ARHGAP44: variants seen among roughly 807,000 people sequenced by gnomAD.
ARHGAP44 encodes Rho GTPase activating protein 44.
A neutral mutation model predicts 106.8 loss-of-function variants in ARHGAP44; 43 were observed. The observed-to-expected ratio is 0.40, with a 90% CI of 0.32 to 0.52. The LOEUF (loss-of-function observed/expected upper bound fraction) is 0.52. Ranked by LOEUF, ARHGAP44 falls within the 20% of genes least tolerant of loss-of-function variation. The probability of loss-of-function intolerance (pLI) is 0.48; values close to 1 mark genes in which losing one functional copy is unlikely to be tolerated. For synonymous variants in ARHGAP44, 439 were observed against 410.3 expected (o/e 1.07, Z -0.85); for missense variants, 866 against 1,050.5 (o/e 0.82, Z 2.43).
intron 5 of ARHGAP44, among the ~76,000 whole-genome samples, chr17:12,918,379 G>T (rs180768853): frequency 6.6e-6 from 1 of 152,106 alleles, no homozygotes; most frequent in Non-Finnish European, 1.5e-5. Context: ...TATAAAAACC[G>T]CAGCCCGAGA....
At chr17:12,961,353 A>C (rs897066877) in intron 16 of ARHGAP44, among the ~76,000 whole-genome samples, 1 of 152,222 alleles carries the variant, frequency 6.6e-6, no homozygotes, top group Non-Finnish European at 1.5e-5. Context: ...TTGAAGTTGA[A>C]ACTGCCACCA....
intron 3 of ARHGAP44, 43 bp from the exon 4 acceptor site, chr17:12,908,854 A>G (rs1325211810): frequency 6.6e-7 from 1 of 1,518,460 alleles, no homozygotes; most frequent in Admixed American, 1.8e-5. Flanking sequence ...CAACAGATGA[A>G]TATGGAAAGT....
At chr17:12,916,722 T>C (rs2037928169) in intron 5 of ARHGAP44, among the ~76,000 whole-genome samples, 1 of 152,196 alleles carries the variant, frequency 6.6e-6, no homozygotes, top group Admixed American at 6.5e-5. Flanking sequence ...TCTTTGGACT[T>C]TAAAGGACAC....
Position 12,857,772 on chromosome 17 carries a change from A to G in ARHGAP44, c.54-37168A>G, listed in dbSNP as rs969514294. ...ATTGCTTCGGTTGCCCATGTTATTT[A>G]TTTATTTATTTATTTATTTATTTAT... On this transcript the variant is annotated intron_variant, in intron 1 of 20. Transcript: ENST00000379672. Among the ~76,000 whole-genome samples, 222 of 37,696 alleles carry G rather than the reference A, an allele frequency of 5.9e-3. 1 individual carries two copies. Among genetic ancestry groups the G allele is most frequent in the African/African-American group, 0.017 (212 of 12,382 alleles). The allele number at this position is 37,696 out of a possible 152,430, so 24.7% of individuals were successfully genotyped here.
rs149641880 is a variant in ARHGAP44, at chr17:12,947,272, C to T, written c.862-1868C>T. ...CCAAATTGCCAAATCCGATGACTTA[C>T]TGCCAGCCTCCTTGGCCACAGTGCT... On this transcript the variant is annotated intron_variant, in intron 10 of 20. Transcript: ENST00000379672. Among the ~76,000 whole-genome samples, 258 of 152,328 alleles carry T rather than the reference C, an allele frequency of 1.7e-3. 2 individuals carry two copies. The highest frequency in any genetic ancestry group is 6.8e-3 in the Middle Eastern group (2 of 294).
At chr17:12,986,172 G>A (rs1339220254) in intron 20 of ARHGAP44, 2 of 151,830 alleles carry the variant, frequency 1.3e-5, no homozygotes, top group Non-Finnish European at 2.9e-5. Context: ...TAATGTTGAA[G>A]GTACAGCTGC....
chr17:12,989,854 G>C (rs2143501476), intron 20 of ARHGAP44, among the ~76,000 whole-genome samples, 178 bp from the exon 21 acceptor site: 1 of 152,270 alleles, frequency 6.6e-6, no homozygotes, highest in Middle Eastern at 3.4e-3. Flanking sequence ...TAGAAGCAAA[G>C]CAGGCATGAG....
Position 12,949,277 on chromosome 17 carries a change from T to C in ARHGAP44, c.973+26T>C. On this transcript the variant is annotated intron_variant, in intron 11 of 20. Coordinates refer to ENST00000379672, the MANE Select transcript of ARHGAP44 (RefSeq NM_014859.6). The surrounding 1 kb of genome is among the most constrained non-coding windows in gnomAD (Gnocchi z 4.1). ...GTGGGCACCTCTCAGCGCTCCTGTG[T>C]GCCATGGAGGCTCACAGGGAAGGGG... The C allele has an allele frequency of 6.5e-7, 1 of 1,542,980 alleles. No homozygotes were observed. The highest frequency in any genetic ancestry group is 1.4e-5 in the African/African-American group (1 of 73,010).
chr17:12,790,212 G>T (rs750969326), intron 1 of ARHGAP44: 6 of 348,542 alleles, frequency 1.7e-5, no homozygotes, highest in Non-Finnish European at 2.6e-5. Flanking sequence ...CCCTCTGGCC[G>T]CCTGTCTTCC....
chr17:12,980,111 G>A lies in ARHGAP44; in HGVS notation c.1817G>A (p.Gly606Asp). ...SPGSAQKGSP[G>D]SSQGTACAGT... ...GGCTCTGCACAGAAAGGAAGTCCAGGCTCCAGCCAGGGCACAGCCTGTGCA... is the reference window on the plus strand; with the variant it reads ...GGCTCTGCACAGAAAGGAAGTCCAGACTCCAGCCAGGGCACAGCCTGTGCA... The change falls in exon 19 of 21, where the codon GGC becomes GAC. Residue 606 changes from glycine (G) to aspartate (D), a missense_variant. Physicochemically the swap from Gly to Asp is moderately conservative, Grantham distance 94. Coordinates refer to ENST00000379672, the MANE Select transcript of ARHGAP44 (RefSeq NM_014859.6). 6.2e-7 allele frequency: 1 copy of A among 1,613,844 alleles called. No homozygotes were observed. Among genetic ancestry groups the A allele is most frequent in the Non-Finnish European group, 8.5e-7 (1 of 1,179,770 alleles).
At chr17:12,944,656 T>TC (rs2038803093) in intron 10 of ARHGAP44, among the ~76,000 whole-genome samples, 1 of 150,484 alleles carries the variant, frequency 6.6e-6, no homozygotes, top group Admixed American at 6.6e-5. Flanking sequence ...CAGCTAATTT[T>TC]TTTTTTTTTT....
At chr17:12,931,555 G>T (rs1171644181) in intron 7 of ARHGAP44, among the ~76,000 whole-genome samples, 1 of 151,560 alleles carries the variant, frequency 6.6e-6, no homozygotes, top group Non-Finnish European at 1.5e-5. Flanking sequence ...GGAGTGCAGT[G>T]GCGGGATCTC....
chr17:12,987,723 G>C (rs1012829591), intron 20 of ARHGAP44: 3 of 152,204 alleles, frequency 2.0e-5, no homozygotes, highest in African/African-American at 4.8e-5. Context: ...TGAGACTGCT[G>C]GCAAATCCTA....
chr17:12,799,755 G>C (rs780444432), intron 1 of ARHGAP44, among the ~76,000 whole-genome samples: 1 of 152,038 alleles, frequency 6.6e-6, no homozygotes, highest in Non-Finnish European at 1.5e-5. Context: ...TCAGCCTCCT[G>C]AGTAGCTGAG....
chr17:12,796,259 A>G (rs2033917544), intron 1 of ARHGAP44, among the ~76,000 whole-genome samples: 1 of 152,042 alleles, frequency 6.6e-6, no homozygotes, highest in Non-Finnish European at 1.5e-5. Context: ...ATCCCATGTC[A>G]ATAACTGTTA....
At chr17:12,962,139 A>G (rs2039278855) in intron 16 of ARHGAP44, among the ~76,000 whole-genome samples, 1 of 152,094 alleles carries the variant, frequency 6.6e-6, no homozygotes, top group Admixed American at 6.5e-5. Context: ...AAAGAAGAAA[A>G]TTGAGGGGCA....
chr17:12,868,498 G>C (rs2036298113), intron 1 of ARHGAP44, among the ~76,000 whole-genome samples: 1 of 149,432 alleles, frequency 6.7e-6, no homozygotes, highest in Non-Finnish European at 1.5e-5. Flanking sequence ...CAAGATCGTG[G>C]AGAAAGTCCA....
chr17:12,814,286 G>C (rs1203756890), intron 1 of ARHGAP44, among the ~76,000 whole-genome samples: 2 of 144,160 alleles, frequency 1.4e-5, no homozygotes, highest in Non-Finnish European at 3.0e-5. Flanking sequence ...TTTCACCCAG[G>C]CTGGAGTGCA....
chr17:12,937,589 C>T (rs1014007304), intron 7 of ARHGAP44, among the ~76,000 whole-genome samples: 3 of 152,172 alleles, frequency 2.0e-5, no homozygotes, highest in African/African-American at 7.2e-5. Flanking sequence ...CAGCAGTTTG[C>T]TCTGTGAACT....
Sources: allele counts gnomAD v4.1 joint callset (sites outside exome capture counted in the v4.1 genomes callset), GRCh38; gene constraint gnomAD v4.1.1; non-coding constraint Gnocchi (gnomAD v3.1); transcripts MANE v1.5; gene names NCBI Gene and HGNC (gene_info 2026-07-23, HGNC 2026-07-21).